FSTL4: variants seen among roughly 807,000 people sequenced by gnomAD.
The protein encoded by FSTL4 is follistatin-related protein 4.
FSTL4 carries 28 observed loss-of-function variants against 78.2 expected under a neutral mutation model. That is an observed-to-expected ratio of 0.36 (90% CI 0.27 to 0.49). The LOEUF is 0.49. Among genes scored for constraint, FSTL4 ranks in the 20% least tolerant of loss-of-function variants. The pLI is 0.98. For missense variants in FSTL4, 922 were observed against 1,084.9 expected, an observed-to-expected ratio of 0.85 and a Z score of 2.11; for synonymous variants, 422 against 440.5, an observed-to-expected ratio of 0.96 and a Z score of 0.53.
intron 4 of FSTL4, among the ~76,000 whole-genome samples, chr5:133,364,399 A>C (rs1755134007): frequency 2.0e-5 from 3 of 152,170 alleles, no homozygotes. Context: ...CTCCTGATCG[A>C]GGTGGCAGCA....
the FSTL4 span, among the ~76,000 whole-genome samples, chr5:133,815,660 G>A: frequency 7.2e-5 from 11 of 152,296 alleles, no homozygotes; most frequent in South Asian, 2.3e-3. Context: ...ATCTACTAAA[G>A]CAGAATATTA....
chr5:133,480,420 T>A (rs1229293641), intron 3 of FSTL4, among the ~76,000 whole-genome samples: 2 of 152,196 alleles, frequency 1.3e-5, no homozygotes, highest in Admixed American at 6.5e-5. Context: ...TGCTTCATGG[T>A]CATCCTGCGG....
chr5:133,290,308 G>A (rs763415510), intron 6 of FSTL4, among the ~76,000 whole-genome samples: 2 of 152,348 alleles, frequency 1.3e-5, no homozygotes, highest in East Asian at 3.9e-4. Flanking sequence ...GAGGGCACTC[G>A]CAATGCCTGC....
chr5:133,242,343 G>A (rs575442611), intron 7 of FSTL4, among the ~76,000 whole-genome samples: 2 of 152,210 alleles, frequency 1.3e-5, no homozygotes, highest in South Asian at 4.2e-4. Flanking sequence ...GGCACCAATC[G>A]GCCTCCTTCA....
At chr5:133,602,900 C>T (rs1760903022) in intron 2 of FSTL4, among the ~76,000 whole-genome samples, 1 of 152,164 alleles carries the variant, frequency 6.6e-6, no homozygotes, top group Non-Finnish European at 1.5e-5. Context: ...TAATCCTACC[C>T]TACACTGAGT....
intron 3 of FSTL4, among the ~76,000 whole-genome samples, chr5:133,541,270 C>G (rs1355966330): frequency 6.6e-6 from 1 of 152,194 alleles, no homozygotes; most frequent in African/African-American, 2.4e-5. Context: ...CAGATGGTAG[C>G]TGAAGCTGTT....
At chr5:133,732,657 C>T in the FSTL4 span, among the ~76,000 whole-genome samples, 1 of 152,228 alleles carries the variant, frequency 6.6e-6, no homozygotes, top group East Asian at 1.9e-4. Flanking sequence ...ACACACTTCC[C>T]ACTGCCCGCC....
At chr5:133,663,536 C>T in the FSTL4 span, among the ~76,000 whole-genome samples, 3 of 152,206 alleles carry the variant, frequency 2.0e-5, no homozygotes, top group Admixed American at 6.5e-5. Context: ...TAACACGTGC[C>T]TCTTCACGTG....
chr5:133,670,189 T>G, the FSTL4 span, among the ~76,000 whole-genome samples: 1 of 152,222 alleles, frequency 6.6e-6, no homozygotes, highest in African/African-American at 2.4e-5. Flanking sequence ...ATGAGGTGGC[T>G]ATCATAAAAT....
chr5:133,280,781 C>T (rs926742366), intron 6 of FSTL4, among the ~76,000 whole-genome samples: 3 of 152,234 alleles, frequency 2.0e-5, no homozygotes, highest in African/African-American at 4.8e-5. Flanking sequence ...CTCCACATTC[C>T]AGCCACGCTG....
intron 3 of FSTL4, among the ~76,000 whole-genome samples, chr5:133,447,564 G>T (rs1757294638): frequency 6.6e-6 from 1 of 151,762 alleles, no homozygotes; most frequent in Non-Finnish European, 1.5e-5. Flanking sequence ...TTTTGAGACT[G>T]AGTCTCACTC....
At chr5:133,605,505 G>A (rs1760958159) in intron 1 of FSTL4, among the ~76,000 whole-genome samples, 1 of 152,188 alleles carries the variant, frequency 6.6e-6, no homozygotes. Context: ...CACTAGTGCT[G>A]AGTCCAGGGC....
chr5:133,356,652 CT>C (rs35891628), intron 4 of FSTL4, among the ~76,000 whole-genome samples: 23,975 of 152,152 alleles, frequency 0.16, 2,132 homozygotes, highest in East Asian at 0.36. Flanking sequence ...GCAGAAACCA[CT>C]TTGTAAGTGT....
chr5:133,530,251 A>G (rs757539682), intron 3 of FSTL4, among the ~76,000 whole-genome samples: 1 of 152,210 alleles, frequency 6.6e-6, no homozygotes, highest in Non-Finnish European at 1.5e-5. Context: ...CATCTTCTGA[A>G]GCTGCAGCAT....
At chr5:133,605,539 A>G (rs1422996191) in intron 1 of FSTL4, among the ~76,000 whole-genome samples, 18 of 152,216 alleles carry the variant, frequency 1.2e-4, no homozygotes, top group Non-Finnish European at 5.9e-5. Context: ...CACTCCTGCC[A>G]CATTCCAGGT....
the FSTL4 span, among the ~76,000 whole-genome samples, chr5:133,831,867 G>A: frequency 6.6e-6 from 1 of 152,170 alleles, no homozygotes; most frequent in Non-Finnish European, 1.5e-5. Context: ...GATGGGATTC[G>A]CAAGCTGGCT....
chr5:133,508,542 G>A (rs1259060688), intron 3 of FSTL4, among the ~76,000 whole-genome samples: 1 of 152,228 alleles, frequency 6.6e-6, no homozygotes, highest in Non-Finnish European at 1.5e-5. Context: ...TTCAGGTTCA[G>A]TGTAATCGTA....
chr5:133,705,385 T>A, the FSTL4 span, among the ~76,000 whole-genome samples: 1 of 152,184 alleles, frequency 6.6e-6, no homozygotes, highest in African/African-American at 2.4e-5. Flanking sequence ...AGATTAATTC[T>A]AGCCATAGTC....
the FSTL4 span, among the ~76,000 whole-genome samples, chr5:133,762,379 C>T: frequency 1.3e-5 from 2 of 152,174 alleles, no homozygotes; most frequent in African/African-American, 4.8e-5. Context: ...AACTAGCCCT[C>T]AAGTCATAGC....
Sources: gnomAD v4.1 joint callset for allele counts (sites outside exome capture counted in the v4.1 genomes callset) on GRCh38, gnomAD v4.1.1 for gene constraint, MANE v1.5 for transcripts, NCBI Gene and HGNC (gene_info 2026-07-23, HGNC 2026-07-21) for gene names.